WDFY2: variants seen among roughly 807,000 people sequenced by gnomAD.
WDFY2 encodes WD repeat and FYVE domain-containing protein 2.
Under a neutral mutation model 56.4 loss-of-function variants are expected in WDFY2, and 36 were observed. The ratio of observed to expected loss-of-function variants is 0.64; its 90% CI spans 0.49 to 0.84. WDFY2 has a LOEUF of 0.84. Ranked by LOEUF, WDFY2 falls within the 40% of genes least tolerant of loss-of-function variation. The pLI is 0.00. For missense variants in WDFY2, 444 were observed against 512.2 expected (o/e 0.87, Z 1.29); for synonymous variants, 176 against 183.7 (o/e 0.96, Z 0.34).
intron 4 of WDFY2, among the ~76,000 whole-genome samples, chr13:51,705,833 C>G (rs921874181): frequency 1.3e-5 from 2 of 151,976 alleles, no homozygotes; most frequent in African/African-American, 4.8e-5. Flanking sequence ...TTGTTTTTAG[C>G]CTAAATGCTG....
Position 51,660,239 on chromosome 13 carries a change from C to G in WDFY2, c.138-357C>G, listed in dbSNP as rs963377434. ...TAAGACGGAGTTTCTCTCTGTTACC[C>G]AGGCTGGAGTGCAGTGGCATGATCT... On this transcript the variant is annotated intron_variant, in intron 1 of 11. Coordinates refer to ENST00000298125, the MANE Select transcript of WDFY2 (RefSeq NM_052950.4). 5.0e-4 allele frequency among the ~76,000 whole-genome samples: 76 copies of G among 151,912 alleles called. 2 individuals are homozygous for G. Among genetic ancestry groups the G allele is most frequent in the Non-Finnish European group, 1.5e-5 (1 of 67,982 alleles).
intron 1 of WDFY2, among the ~76,000 whole-genome samples, chr13:51,618,769 T>C (rs534878884): frequency 6.6e-6 from 1 of 152,214 alleles, no homozygotes; most frequent in Non-Finnish European, 1.5e-5. Flanking sequence ...GGAATTTCTC[T>C]GAACACAGAA....
chr13:51,616,042 G>A (rs930294616), intron 1 of WDFY2, among the ~76,000 whole-genome samples: 2 of 152,172 alleles, frequency 1.3e-5, no homozygotes, highest in Admixed American at 6.5e-5. Flanking sequence ...CCAGAAGTTC[G>A]GGACCAGCCT....
At chr13:51,700,670 T>G (rs1299570314) in intron 3 of WDFY2, among the ~76,000 whole-genome samples, 1 of 152,198 alleles carries the variant, frequency 6.6e-6, no homozygotes, top group Non-Finnish European at 1.5e-5. Flanking sequence ...AAAGGAATAT[T>G]AAAGTAATAT....
chr13:51,598,940 C>T (rs1467776579), intron 1 of WDFY2, among the ~76,000 whole-genome samples: 6 of 140,954 alleles, frequency 4.3e-5, no homozygotes, highest in African/African-American at 1.3e-4. Context: ...GACAGAGTCT[C>T]GCTCTGTCAC....
rs139357236 is a variant in WDFY2, at chr13:51,664,672, A to C, written c.205+4009A>C. ...AAGTTCACCTGAGCAGATTTCTGTT[A>C]CTTGTAACTGCAAGTATTTGACTAA... is the stretch of plus-strand genomic sequence containing the variant. On this transcript the variant is annotated intron_variant, in intron 2 of 11. Coordinates refer to ENST00000298125, the MANE Select transcript of WDFY2 (RefSeq NM_052950.4). 4.6e-3 allele frequency among the ~76,000 whole-genome samples: 705 copies of C among 152,320 alleles called. 7 individuals carry two copies. Among genetic ancestry groups the C allele is most frequent in the African/African-American group, 0.016 (662 of 41,566 alleles).
chr13:51,623,483 A>G (rs1303345575), intron 1 of WDFY2, among the ~76,000 whole-genome samples: 2 of 152,188 alleles, frequency 1.3e-5, no homozygotes, highest in South Asian at 4.1e-4. Flanking sequence ...GAGTTAATTC[A>G]GGGTCCTGGA....
intron 1 of WDFY2, among the ~76,000 whole-genome samples, chr13:51,636,326 G>A (rs2138391848): frequency 6.6e-6 from 1 of 152,230 alleles, no homozygotes; most frequent in Admixed American, 6.5e-5. Flanking sequence ...TAGTTACCTT[G>A]GTCATGGTTA....
chr13:51,634,713 T>G (rs1009545056), intron 1 of WDFY2, among the ~76,000 whole-genome samples: 1 of 152,004 alleles, frequency 6.6e-6, no homozygotes, highest in African/African-American at 2.4e-5. Flanking sequence ...GCTGTTTTTT[T>G]TGTTTTGTTT....
At chr13:51,644,468 T>C (rs532037121) in intron 1 of WDFY2, among the ~76,000 whole-genome samples, 5 of 152,338 alleles carry the variant, frequency 3.3e-5, no homozygotes, top group Admixed American at 3.3e-4. Context: ...ACTGTAATTT[T>C]AAAAATTCTA....
chr13:51,753,459 C>A (rs1461521476), intron 8 of WDFY2, among the ~76,000 whole-genome samples: 1 of 152,060 alleles, frequency 6.6e-6, no homozygotes, highest in Non-Finnish European at 1.5e-5. Flanking sequence ...ATATAACATT[C>A]TTGGTAGAAA....
chr13:51,639,444 A>C (rs1031842229), intron 1 of WDFY2, among the ~76,000 whole-genome samples: 8 of 152,304 alleles, frequency 5.3e-5, no homozygotes, highest in African/African-American at 1.9e-4. Flanking sequence ...ATTCCAAGCA[A>C]AATTGTAGAG....
chr13:51,756,166 C>G (rs989547495), intron 9 of WDFY2, among the ~76,000 whole-genome samples, 166 bp from the exon 10 acceptor site: 1 of 152,178 alleles, frequency 6.6e-6, no homozygotes, highest in African/African-American at 2.4e-5. Context: ...AACAGAGCCC[C>G]AGAGAAGAAC....
intron 1 of WDFY2, among the ~76,000 whole-genome samples, chr13:51,628,629 C>T (rs555202757): frequency 4.2e-4 from 64 of 152,320 alleles, no homozygotes; most frequent in African/African-American, 1.4e-3. Flanking sequence ...CTGCTGCAGC[C>T]GGCCTCTTCC....
chr13:51,653,157 A>T (rs1955433352), intron 1 of WDFY2, among the ~76,000 whole-genome samples: 1 of 151,930 alleles, frequency 6.6e-6, no homozygotes, highest in Non-Finnish European at 1.5e-5. Context: ...CATTCACTTG[A>T]TCTTCCATCA....
intron 2 of WDFY2, among the ~76,000 whole-genome samples, chr13:51,667,879 CTTTT>C (rs66771214): frequency 1.6e-4 from 8 of 50,040 alleles, no homozygotes; most frequent in Admixed American, 1.0e-3. Context: ...TGAGGAACTT[CTTTT>C]TTTTTTTTTT....
At chr13:51,737,631 A>AGGTGACCTT (rs1159946716) in intron 6 of WDFY2, among the ~76,000 whole-genome samples, 1 of 144,276 alleles carries the variant, frequency 6.9e-6, no homozygotes, top group Non-Finnish European at 1.5e-5. Context: ...GTTTCTGAGG[A>AGGTGACCTT]GGTGACCTTT....
chr13:51,655,996 C>T (rs1475173820), intron 1 of WDFY2, among the ~76,000 whole-genome samples: 1 of 147,934 alleles, frequency 6.8e-6, no homozygotes, highest in Non-Finnish European at 1.5e-5. Flanking sequence ...AGGTTTGTTA[C>T]TTTTGCTGAT....
intron 1 of WDFY2, among the ~76,000 whole-genome samples, chr13:51,585,305 A>G (rs1230713981): frequency 6.6e-6 from 1 of 152,236 alleles, no homozygotes; most frequent in Admixed American, 6.5e-5. Flanking sequence ...TACTGAATCC[A>G]GATAACCCAG....
Sources: allele counts gnomAD v4.1 joint callset (sites outside exome capture counted in the v4.1 genomes callset), GRCh38; gene constraint gnomAD v4.1.1; transcripts MANE v1.5; gene names NCBI Gene and HGNC (gene_info 2026-07-23, HGNC 2026-07-21).